Variants in PLPPR1 observed in about 807,000 individuals in gnomAD.
PLPPR1 encodes the protein phospholipid phosphatase related 1.
In PLPPR1, 10 loss-of-function variants were observed where a neutral mutation model predicts 33.1. The ratio of observed to expected loss-of-function variants is 0.30; its 90% confidence interval spans 0.19 to 0.51. PLPPR1 has a LOEUF of 0.51. Ranked by LOEUF, PLPPR1 falls within the 20% of genes least tolerant of loss-of-function variation. The pLI is 0.97. For missense variants in PLPPR1, 304 were observed against 408.1 expected (o/e 0.74, Z 2.20); for synonymous variants, 151 against 151.0 (o/e 1.00, Z 0.00).
At chr9:101,091,181 C>T (rs552796431) in intron 1 of PLPPR1, among the ~76,000 whole-genome samples, 50 of 152,114 alleles carry the variant, frequency 3.3e-4, no homozygotes, top group Admixed American at 6.6e-4. Flanking sequence ...TTTCTCCCCT[C>T]CTATGTTTCC....
At chr9:101,036,113 A>T (rs1011527761) in intron 1 of PLPPR1, among the ~76,000 whole-genome samples, 1 of 152,088 alleles carries the variant, frequency 6.6e-6, no homozygotes, top group African/African-American at 2.4e-5. Flanking sequence ...GTTTACCTTG[A>T]TTACTGAGTT....
intron 2 of PLPPR1, among the ~76,000 whole-genome samples, chr9:101,215,287 A>ATT (rs1230921294): frequency 1.3e-5 from 2 of 150,646 alleles, no homozygotes; most frequent in African/African-American, 4.9e-5. Flanking sequence ...GTCTTTTTTT[A>ATT]TTTTTTTTTG....
At chr9:101,279,297 C>T (rs1357740200) in intron 3 of PLPPR1, among the ~76,000 whole-genome samples, 3 of 152,182 alleles carry the variant, frequency 2.0e-5, no homozygotes, top group Non-Finnish European at 4.4e-5. Context: ...ATTGTAAATA[C>T]ATATGCACCC....
chr9:101,266,165 G>A (rs1042414812), intron 2 of PLPPR1, among the ~76,000 whole-genome samples: 3 of 152,036 alleles, frequency 2.0e-5, no homozygotes, highest in Non-Finnish European at 4.4e-5. Context: ...GGTGGCTCAC[G>A]CCTGTAATCC....
intron 2 of PLPPR1, among the ~76,000 whole-genome samples, chr9:101,219,432 A>T (rs1056009018): frequency 6.6e-6 from 1 of 152,156 alleles, no homozygotes; most frequent in African/African-American, 2.4e-5. Flanking sequence ...GGACCATCTC[A>T]CCTTGTTGCT....
At chr9:101,314,984 A>G (rs1829026963) in intron 6 of PLPPR1, among the ~76,000 whole-genome samples, 1 of 152,246 alleles carries the variant, frequency 6.6e-6, no homozygotes, top group Non-Finnish European at 1.5e-5. Context: ...ATGGATACAT[A>G]GAAGTTACAC....
chr9:101,154,065 T>C (rs1443176958), intron 1 of PLPPR1, among the ~76,000 whole-genome samples: 4 of 152,206 alleles, frequency 2.6e-5, no homozygotes, highest in African/African-American at 9.6e-5. Context: ...GAAGCCCACT[T>C]GATCTTGGTG....
In PLPPR1 at chr9:101,303,144, C is replaced by T. The variant is rs114364976; in HGVS notation, c.386-6067C>T. Among the ~76,000 whole-genome samples, 1,196 of 148,158 alleles carry T rather than the reference C, an allele frequency of 8.1e-3. 19 individuals carry two copies. Among genetic ancestry groups the T allele is most frequent in the African/African-American group, 0.028 (1,131 of 40,110 alleles). On this transcript the variant is annotated intron_variant, in intron 4 of 7. Transcript: ENST00000374874. Reference sequence around the variant, plus strand: ...TGGGATTACAGGCACCCAGCACCACCGGCTAATTTTTGTATTTTTAGTAAG... The same window carrying T: ...TGGGATTACAGGCACCCAGCACCACTGGCTAATTTTTGTATTTTTAGTAAG...
At chr9:101,182,690 A>T (rs1245914765) in intron 1 of PLPPR1, among the ~76,000 whole-genome samples, 1 of 151,780 alleles carries the variant, frequency 6.6e-6, no homozygotes, top group Non-Finnish European at 1.5e-5. Flanking sequence ...AATGAAAAAG[A>T]TGGAAAAAAT....
chr9:101,167,141 G>GGT (rs756843224), intron 1 of PLPPR1, among the ~76,000 whole-genome samples: 1,712 of 39,688 alleles, frequency 0.043, 63 homozygotes, highest in Middle Eastern at 0.079. Context: ...TATGTCTCTC[G>GGT]GTGTGTGTGT....
intron 1 of PLPPR1, among the ~76,000 whole-genome samples, chr9:101,138,882 G>T (rs1270530832): frequency 6.6e-6 from 1 of 152,104 alleles, no homozygotes; most frequent in Non-Finnish European, 1.5e-5. Flanking sequence ...TTTCCCCAGG[G>T]TTTGGTAGGA....
intron 1 of PLPPR1, among the ~76,000 whole-genome samples, chr9:101,106,216 G>A (rs878892305): frequency 5.5e-4 from 81 of 147,184 alleles, no homozygotes; most frequent in East Asian, 3.3e-3. Context: ...GCTTTTGCTC[G>A]TTAGTTGATG....
intron 6 of PLPPR1, among the ~76,000 whole-genome samples, chr9:101,315,895 C>T (rs998627272): frequency 2.0e-5 from 3 of 152,096 alleles, no homozygotes; most frequent in African/African-American, 4.8e-5. Context: ...TCCCATGAGG[C>T]GGAATGTGGG....
At chr9:101,108,960 A>T (rs1588031674) in intron 1 of PLPPR1, among the ~76,000 whole-genome samples, 2 of 136,786 alleles carry the variant, frequency 1.5e-5, no homozygotes, top group Non-Finnish European at 1.5e-5. Context: ...GTCTTCAATA[A>T]TTTTTTTTTT....
intron 1 of PLPPR1, among the ~76,000 whole-genome samples, chr9:101,136,332 G>C (rs144216664): frequency 3.9e-4 from 60 of 152,314 alleles, no homozygotes; most frequent in African/African-American, 1.3e-3. Flanking sequence ...TATTAGAGTT[G>C]AGAGAGTAAA....
chr9:101,279,750 T>C (rs1828262661), intron 3 of PLPPR1, among the ~76,000 whole-genome samples: 1 of 152,064 alleles, frequency 6.6e-6, no homozygotes, highest in Non-Finnish European at 1.5e-5. Context: ...AGTTAAGAAA[T>C]ATTATGAGTC....
At chr9:101,172,974 C>T (rs938137288) in intron 1 of PLPPR1, among the ~76,000 whole-genome samples, 3 of 151,974 alleles carry the variant, frequency 2.0e-5, no homozygotes, top group African/African-American at 4.8e-5. Flanking sequence ...GCATGAAATC[C>T]TACTTACTTT....
chr9:101,279,531 C>A (rs896859830), intron 3 of PLPPR1, among the ~76,000 whole-genome samples: 1 of 152,194 alleles, frequency 6.6e-6, no homozygotes, highest in African/African-American at 2.4e-5. Context: ...ACACATTCTC[C>A]TCCTCAGCAC....
At chr9:101,309,718 T>C (rs1029861384) in intron 5 of PLPPR1, among the ~76,000 whole-genome samples, 1 of 152,148 alleles carries the variant, frequency 6.6e-6, no homozygotes, top group Non-Finnish European at 1.5e-5. Flanking sequence ...CATTTACAGA[T>C]GTGAAAGCAG....
Sources: gnomAD v4.1 joint callset for allele counts (sites outside exome capture counted in the v4.1 genomes callset) on GRCh38, gnomAD v4.1.1 for gene constraint, MANE v1.5 for transcripts, NCBI Gene and HGNC (gene_info 2026-07-23, HGNC 2026-07-21) for gene names.